Variants in COL19A1 observed in about 807,000 individuals in gnomAD.
The protein encoded by COL19A1 is collagen type XIX alpha 1 chain.
Under a neutral mutation model 190.2 loss-of-function variants are expected in COL19A1, and 159 were observed. That is an observed-to-expected ratio of 0.84 (90% CI 0.73 to 0.95). The LOEUF (loss-of-function observed/expected upper bound fraction) is 0.95, where lower values mean the gene tolerates loss of function less well. Ranked by LOEUF, COL19A1 falls within the 40% of genes least tolerant of loss-of-function variation. The probability of loss-of-function intolerance (pLI) is 0.00; values close to 1 mark genes in which losing one functional copy is unlikely to be tolerated. For missense variants in COL19A1, 1,418 were observed against 1,431.9 expected, an observed-to-expected ratio of 0.99 and a Z score of 0.16; for synonymous variants, 509 against 458.9, an observed-to-expected ratio of 1.11 and a Z score of -1.39.
At chr6:69,957,309 C>T (rs1460277446) in intron 9 of COL19A1, among the ~76,000 whole-genome samples, 1 of 152,074 alleles carries the variant, frequency 6.6e-6, no homozygotes, top group East Asian at 1.9e-4. Flanking sequence ...TGACCCTAAA[C>T]ATCACCTAAC....
rs6930617 is a variant in COL19A1, at chr6:70,034,624, C to T, written c.1134+326C>T. On this transcript the variant is annotated intron_variant, in intron 13 of 50. Transcript: ENST00000620364. ...CTTTGCCAATAACACTGAGCTGCTG[C>T]CATAATGGTGAGGCAAGTGGCTTTT... 1.0e-3 allele frequency among the ~76,000 whole-genome samples: 153 copies of T among 152,240 alleles called. 1 individual carries two copies. The highest frequency in any genetic ancestry group is 3.4e-3 in the African/African-American group (143 of 41,536).
chr6:70,009,646 T>A (rs1166942062), intron 11 of COL19A1, among the ~76,000 whole-genome samples: 1 of 143,986 alleles, frequency 6.9e-6, no homozygotes, highest in Non-Finnish European at 1.5e-5. Flanking sequence ...AAATGATTTT[T>A]AAAAAAATAA....
At chr6:70,149,316 T>G (rs1786880210) in intron 27 of COL19A1, among the ~76,000 whole-genome samples, 1 of 152,156 alleles carries the variant, frequency 6.6e-6, no homozygotes, top group Non-Finnish European at 1.5e-5. Context: ...CTGTTTCTGG[T>G]GATTTATTCC....
intron 14 of COL19A1, among the ~76,000 whole-genome samples, chr6:70,061,860 C>G (rs1780848961): frequency 6.6e-6 from 1 of 152,026 alleles, no homozygotes; most frequent in Admixed American, 6.6e-5. Context: ...ATGACACAAC[C>G]TCCCTGCAAT....
chr6:69,884,511 T>C (rs1768781944), intron 2 of COL19A1, among the ~76,000 whole-genome samples: 1 of 152,164 alleles, frequency 6.6e-6, no homozygotes, highest in South Asian at 2.1e-4. Flanking sequence ...AAGCACATGT[T>C]TAAAACTGAG....
intron 15 of COL19A1, among the ~76,000 whole-genome samples, chr6:70,077,235 A>G (rs571154897): frequency 6.6e-6 from 1 of 152,156 alleles, no homozygotes. Flanking sequence ...TTTCTTATAC[A>G]TTATATTTTA....
At chr6:70,037,893 G>A (rs554043206) in intron 14 of COL19A1, among the ~76,000 whole-genome samples, 9 of 152,036 alleles carry the variant, frequency 5.9e-5, no homozygotes, top group East Asian at 1.9e-4. Context: ...CTAAAAATAC[G>A]ACAAGGAAAA....
At chr6:70,067,736 T>C (rs564583788) in intron 14 of COL19A1, among the ~76,000 whole-genome samples, 12 of 152,158 alleles carry the variant, frequency 7.9e-5, no homozygotes, top group African/African-American at 2.9e-4. Flanking sequence ...AGGAAAGAAG[T>C]AGTCATAACT....
chr6:69,916,215 C>T (rs1424901906), intron 4 of COL19A1, among the ~76,000 whole-genome samples: 1 of 152,086 alleles, frequency 6.6e-6, no homozygotes, highest in Non-Finnish European at 1.5e-5. Flanking sequence ...GGATTACAGG[C>T]GGGAGCCACC....
chr6:70,193,049 A>G (rs1477961699), intron 48 of COL19A1, among the ~76,000 whole-genome samples: 1 of 152,040 alleles, frequency 6.6e-6, no homozygotes, highest in Non-Finnish European at 1.5e-5. Context: ...TAATTAACCC[A>G]TCTTTTTGGA....
In COL19A1 at chr6:70,102,166, A is replaced by C; in HGVS notation, c.1225-3A>C. ...TTATCATCTATTCTTCTTTGGTTTC[A>C]AGGGAAGACGAGGGAAAACAGGACC... is the stretch of plus-strand genomic sequence containing the variant. On this transcript the variant is annotated splice_polypyrimidine_tract_variant and splice_region_variant and intron_variant, in intron 15 of 50. Coordinates refer to ENST00000620364, the MANE Select transcript of COL19A1 (RefSeq NM_001858.6). 6.2e-7 allele frequency: 1 copy of C among 1,612,050 alleles called. No homozygotes were observed. Among genetic ancestry groups the C allele is most frequent in the Non-Finnish European group, 8.5e-7 (1 of 1,178,230 alleles).
intron 19 of COL19A1, among the ~76,000 whole-genome samples, chr6:70,139,818 A>G (rs1291493841): frequency 2.6e-5 from 4 of 152,136 alleles, no homozygotes; most frequent in Non-Finnish European, 5.9e-5. Flanking sequence ...TTTTATAGAT[A>G]AAGAAAGGGG....
At chr6:69,885,437 A>C (rs1181885280) in intron 2 of COL19A1, among the ~76,000 whole-genome samples, 1 of 152,218 alleles carries the variant, frequency 6.6e-6, no homozygotes, top group African/African-American at 2.4e-5. Context: ...ACTGTAGTGA[A>C]CAGAATAACA....
chr6:69,967,766 G>T (rs1775200326), intron 11 of COL19A1, among the ~76,000 whole-genome samples: 1 of 151,926 alleles, frequency 6.6e-6, no homozygotes, highest in Admixed American at 6.6e-5. Flanking sequence ...GTTTTATAGT[G>T]GTTGCAAATA....
chr6:70,006,794 T>C (rs1401191400), intron 11 of COL19A1, among the ~76,000 whole-genome samples: 1 of 152,078 alleles, frequency 6.6e-6, no homozygotes, highest in South Asian at 2.1e-4. Context: ...TTATATATGA[T>C]ATCAATGATA....
chr6:69,958,733 T>A (rs944778306), intron 9 of COL19A1, among the ~76,000 whole-genome samples: 2 of 151,928 alleles, frequency 1.3e-5, no homozygotes, highest in Non-Finnish European at 2.9e-5. Flanking sequence ...TAAAATAATA[T>A]GTGTGCATGT....
intron 41 of COL19A1, among the ~76,000 whole-genome samples, chr6:70,173,888 A>AT (rs1016061962): frequency 6.6e-6 from 1 of 152,130 alleles, no homozygotes; most frequent in African/African-American, 2.4e-5. Context: ...GAGGGGGAAG[A>AT]TGGGGATGAT....
intron 14 of COL19A1, among the ~76,000 whole-genome samples, chr6:70,049,973 A>G (rs536158891): frequency 2.0e-5 from 3 of 152,256 alleles, no homozygotes; most frequent in South Asian, 2.1e-4. Context: ...AAGGATTCGA[A>G]TTATATTAAT....
chr6:70,074,498 C>CAAAA (rs368408394), intron 15 of COL19A1, among the ~76,000 whole-genome samples: 6,779 of 96,742 alleles, frequency 0.07, 774 homozygotes, highest in African/African-American at 0.22. Flanking sequence ...GACTCCACCT[C>CAAAA]AAAAAAAAAA....
Sources: gnomAD v4.1 joint callset for allele counts (sites outside exome capture counted in the v4.1 genomes callset) on GRCh38, gnomAD v4.1.1 for gene constraint, MANE v1.5 for transcripts, NCBI Gene and HGNC (gene_info 2026-07-23, HGNC 2026-07-21) for gene names.